Variants in LRRTM4 observed in about 807,000 individuals in gnomAD.
The protein encoded by LRRTM4 is leucine rich repeat transmembrane neuronal 4.
LRRTM4 carries 25 observed loss-of-function variants against 47.6 expected under a neutral mutation model. That is an observed-to-expected ratio of 0.53 (90% confidence interval 0.38 to 0.73). The LOEUF (loss-of-function observed/expected upper bound fraction) is 0.73, where lower values mean the gene tolerates loss of function less well. Ranked by LOEUF, LRRTM4 falls within the 30% of genes least tolerant of loss-of-function variation. The pLI is 0.00. For synonymous variants in LRRTM4, 311 were observed against 269.5 expected (o/e 1.15, Z -1.51); for missense variants, 638 against 713.4 (o/e 0.89, Z 1.20).
At chr2:77,276,198 A>G (rs1277478156) in intron 3 of LRRTM4, among the ~76,000 whole-genome samples, 3 of 152,056 alleles carry the variant, frequency 2.0e-5, no homozygotes, top group Non-Finnish European at 4.4e-5. Flanking sequence ...ACCATTAAAA[A>G]TAAGTCACTG....
chr2:77,137,213 G>T (rs931521723), intron 3 of LRRTM4, among the ~76,000 whole-genome samples: 1 of 151,804 alleles, frequency 6.6e-6, no homozygotes, highest in Non-Finnish European at 1.5e-5. Context: ...AAATGTTAAG[G>T]GCAGCCAGAA....
chr2:77,026,598 A>T (rs954503662), intron 3 of LRRTM4, among the ~76,000 whole-genome samples: 4 of 152,142 alleles, frequency 2.6e-5, no homozygotes, highest in African/African-American at 9.6e-5. Flanking sequence ...TTTTAATTTT[A>T]TACCATATTT....
At chr2:76,849,198 G>A (rs1209718051) in intron 3 of LRRTM4, among the ~76,000 whole-genome samples, 1 of 152,126 alleles carries the variant, frequency 6.6e-6, no homozygotes, top group Non-Finnish European at 1.5e-5. Context: ...ACAGTGCAGA[G>A]AAGAGAAAAG....
chr2:77,252,210 G>C (rs1215889093), intron 3 of LRRTM4, among the ~76,000 whole-genome samples: 1 of 152,080 alleles, frequency 6.6e-6, no homozygotes, highest in Non-Finnish European at 1.5e-5. Flanking sequence ...AGCATGTAAG[G>C]GGTGTAAATC....
intron 3 of LRRTM4, among the ~76,000 whole-genome samples, chr2:76,789,727 A>T (rs1298294121): frequency 2.0e-5 from 3 of 152,154 alleles, no homozygotes; most frequent in African/African-American, 7.2e-5. Context: ...GGAATAACCA[A>T]ATTCCAGGTT....
chr2:77,171,241 C>T (rs1673040332), intron 3 of LRRTM4, among the ~76,000 whole-genome samples: 1 of 151,828 alleles, frequency 6.6e-6, no homozygotes, highest in Non-Finnish European at 1.5e-5. Flanking sequence ...TGACAATTTG[C>T]TTTATGTTTT....
chr2:77,281,816 G>A (rs1676513796), intron 3 of LRRTM4, among the ~76,000 whole-genome samples: 1 of 151,746 alleles, frequency 6.6e-6, no homozygotes, highest in African/African-American at 2.4e-5. Flanking sequence ...AGAAGAGAAA[G>A]TACACAAAAA....
chr2:77,375,302 C>T (rs1436794124), intron 3 of LRRTM4, among the ~76,000 whole-genome samples: 1 of 151,692 alleles, frequency 6.6e-6, no homozygotes, highest in African/African-American at 2.4e-5. Context: ...AAGAACTATA[C>T]ATGTTTAATT....
intron 3 of LRRTM4, among the ~76,000 whole-genome samples, chr2:77,287,887 G>T (rs552699194): frequency 6.6e-6 from 1 of 152,244 alleles, no homozygotes; most frequent in South Asian, 2.1e-4. Context: ...CGTGCCTTGG[G>T]CACCCACTGG....
chr2:77,124,338 A>G (rs752613168), intron 3 of LRRTM4, among the ~76,000 whole-genome samples: 1 of 152,112 alleles, frequency 6.6e-6, no homozygotes, highest in African/African-American at 2.4e-5. Flanking sequence ...ACACAGGACA[A>G]TGTCAAAACA....
intron 3 of LRRTM4, among the ~76,000 whole-genome samples, chr2:77,327,137 A>C (rs566097395): frequency 6.6e-6 from 1 of 152,312 alleles, no homozygotes; most frequent in East Asian, 1.9e-4. Flanking sequence ...TCACTTGGGC[A>C]AAAGGATAGC....
chr2:76,812,696 T>TTTCTTTCTTTCTTTC (rs370561225), intron 3 of LRRTM4, among the ~76,000 whole-genome samples: 69 of 96,550 alleles, frequency 7.1e-4, no homozygotes, highest in South Asian at 3.7e-3. Flanking sequence ...TCTTTCTTTC[T>TTTCTTTCTTTCTTTC]TTTCTTTCTT....
chr2:76,841,102 A>G (rs1189559889), intron 3 of LRRTM4, among the ~76,000 whole-genome samples: 1 of 150,672 alleles, frequency 6.6e-6, no homozygotes, highest in Non-Finnish European at 1.5e-5. Context: ...GCCATAAAAA[A>G]TGATGAGTTC....
chr2:77,029,050 C>CAA (rs771045292), intron 3 of LRRTM4, among the ~76,000 whole-genome samples: 30,776 of 118,368 alleles, frequency 0.26, 3,698 homozygotes, highest in East Asian at 0.42. Context: ...CACACACACA[C>CAA]AAATATATAT....
chr2:77,421,734 G>A (rs72919974), intron 3 of LRRTM4, among the ~76,000 whole-genome samples: 2,207 of 151,910 alleles, frequency 0.015, 71 homozygotes, highest in African/African-American at 0.05. Flanking sequence ...GTCCAGACAC[G>A]TGACTGAATA....
At chr2:77,265,257 T>C (rs527331355) in intron 3 of LRRTM4, among the ~76,000 whole-genome samples, 1 of 152,246 alleles carries the variant, frequency 6.6e-6, no homozygotes, top group African/African-American at 2.4e-5. Flanking sequence ...ATGTTAGCTA[T>C]GGTTTGAATG....
At chr2:77,252,434 A>G (rs1675644695) in intron 3 of LRRTM4, among the ~76,000 whole-genome samples, 1 of 152,186 alleles carries the variant, frequency 6.6e-6, no homozygotes, top group Non-Finnish European at 1.5e-5. Flanking sequence ...ACTTAGTGAC[A>G]CAACCAAAAT....
intron 3 of LRRTM4, among the ~76,000 whole-genome samples, chr2:77,270,716 CT>C (rs1281254175): frequency 6.6e-6 from 1 of 152,184 alleles, no homozygotes; most frequent in African/African-American, 2.4e-5. Flanking sequence ...AAATTCCCAT[CT>C]CCAAGCCAAA....
intron 3 of LRRTM4, among the ~76,000 whole-genome samples, chr2:77,262,505 A>ATG (rs146120885): frequency 1.4e-4 from 21 of 148,640 alleles, no homozygotes; most frequent in African/African-American, 5.1e-4. Context: ...TTTTTACCTA[A>ATG]TTTTTTTTTT....
Sources: gnomAD v4.1 joint callset for allele counts (sites outside exome capture counted in the v4.1 genomes callset) on GRCh38, gnomAD v4.1.1 for gene constraint, MANE v1.5 for transcripts, NCBI Gene and HGNC (gene_info 2026-07-23, HGNC 2026-07-21) for gene names.